Variants in VWDE observed in about 807,000 individuals in gnomAD.
The protein encoded by VWDE is von Willebrand factor D and EGF domain-containing protein.
A neutral mutation model predicts 178.4 loss-of-function variants in VWDE; 207 were observed. That is an observed-to-expected ratio of 1.16 (90% CI 1.04 to 1.30). VWDE has a LOEUF of 1.30. VWDE is among the 50% of genes most tolerant of loss of function. The pLI is 0.00. For synonymous variants in VWDE, 738 were observed against 651.4 expected, an observed-to-expected ratio of 1.13 and a Z score of -2.02; for missense variants, 2,287 against 1,901.3, an observed-to-expected ratio of 1.20 and a Z score of -3.77.
chr7:12,398,621 T>A (rs1784735593), intron 1 of VWDE, among the ~76,000 whole-genome samples: 2 of 152,180 alleles, frequency 1.3e-5, no homozygotes, highest in African/African-American at 4.8e-5. Context: ...CTAGCAATAC[T>A]CATTGTTTCA....
rs541154112 is a variant in VWDE at position 12,374,863 on chromosome 7, G to A, written c.1243-101C>T. On this transcript the variant is annotated intron_variant, in intron 8 of 28. Coordinates refer to ENST00000275358, the MANE Select transcript of VWDE (RefSeq NM_001135924.3). Reference sequence around the variant, plus strand: ...CTCAACAAACTTTCAATTAATTATTGTTTTTATCATAGTTATTGAAAATTG... The same window carrying A: ...CTCAACAAACTTTCAATTAATTATTATTTTTATCATAGTTATTGAAAATTG... 2.6e-6 allele frequency: 3 copies of A among 1,142,604 alleles called. No homozygotes were observed. In the East Asian group the frequency reaches 7.8e-5, roughly 30 times the overall value. 70.8% of individuals were successfully genotyped at this position (1,142,604 alleles called of 1,614,324 possible). A position where few individuals can be genotyped will look rare whatever the true frequency, so the allele number is the denominator to read the frequency against.
chr7:12,359,773 T>G (rs1360027558), intron 15 of VWDE, 81 bp from the exon 16 acceptor site: 2 of 790,722 alleles, frequency 2.5e-6, no homozygotes, highest in African/African-American at 3.5e-5. Flanking sequence ...TGGCAGTGTA[T>G]GTATTGATGA....
intron 28 of VWDE, 58 bp downstream of exon 28, chr7:12,333,407 G>T (rs182305049): frequency 1.9e-6 from 2 of 1,041,428 alleles, no homozygotes; most frequent in Non-Finnish European, 2.8e-6. Flanking sequence ...TTACTAAGTA[G>T]AAGAGATATG....
At chr7:12,384,945 G>T (rs1583340074) in intron 3 of VWDE, among the ~76,000 whole-genome samples, 1 of 151,992 alleles carries the variant, frequency 6.6e-6, no homozygotes, top group Non-Finnish European at 1.5e-5. Context: ...AACTTTAATT[G>T]ATATGATGCT....
At chr7:12,340,288 T>G in intron 24 of VWDE, 34 bp downstream of exon 24, 2 of 1,479,742 alleles carry the variant, frequency 1.4e-6, no homozygotes, top group Non-Finnish European at 1.8e-6. Flanking sequence ...AACTTTCCAT[T>G]TGCCCTTTTT....
In VWDE at chr7:12,396,887, G is replaced by T. The variant is rs184365298; in HGVS notation, c.59-3109C>A. On this transcript the variant is annotated intron_variant, in intron 1 of 28. Transcript: ENST00000275358. ...GAGATGGAAGTTGCAGTTGGCCAAG[G>T]TCATGCCATTACACTCCAGCCTGGG... is the stretch of plus-strand genomic sequence containing the variant. Among the ~76,000 whole-genome samples, 12 of 152,150 alleles carry T rather than the reference G, an allele frequency of 7.9e-5. No individual in the cohort carries two copies. In the East Asian group the frequency reaches 2.3e-3, roughly 29 times the overall value.
At chr7:12,395,008 TTTTTA>T (rs1394485499) in intron 1 of VWDE, among the ~76,000 whole-genome samples, 1 of 152,260 alleles carries the variant, frequency 6.6e-6, no homozygotes, top group South Asian at 2.1e-4. Context: ...ATATTTCTGC[TTTTTA>T]TTTTGTTTGT....
chr7:12,362,536 G>A lies in VWDE; in HGVS notation c.2899-1015C>T, dbSNP rs76427406. Among the ~76,000 whole-genome samples the A allele has an allele frequency of 1.7e-3, 252 of 152,078 alleles. 2 individuals are homozygous for A. The highest frequency in any genetic ancestry group is 5.8e-3 in the African/African-American group (241 of 41,500). On this transcript the variant is annotated intron_variant, in intron 13 of 28. Coordinates refer to ENST00000275358, the MANE Select transcript of VWDE (RefSeq NM_001135924.3). Reference sequence around the variant, plus strand: ...AAGAGAAGCCAGCATAATGTTCCAGGTACGGATAACTACGTAGGAAACCAA... The same window carrying A: ...AAGAGAAGCCAGCATAATGTTCCAGATACGGATAACTACGTAGGAAACCAA...
intron 3 of VWDE, among the ~76,000 whole-genome samples, chr7:12,387,570 C>T (rs1036931689): frequency 3.3e-5 from 5 of 150,494 alleles, no homozygotes; most frequent in African/African-American, 1.2e-4. Flanking sequence ...TATGTGTATA[C>T]ACACACACAC....
At chr7:12,397,820 C>A (rs1371445368) in intron 1 of VWDE, among the ~76,000 whole-genome samples, 5 of 152,112 alleles carry the variant, frequency 3.3e-5, no homozygotes, top group Non-Finnish European at 7.4e-5. Flanking sequence ...TGCTCAACAT[C>A]ACTAATCATC....
intron 7 of VWDE, among the ~76,000 whole-genome samples, chr7:12,377,151 C>T (rs1471965024): frequency 6.6e-6 from 1 of 152,100 alleles, no homozygotes; most frequent in Non-Finnish European, 1.5e-5. Flanking sequence ...CCAATCACTG[C>T]TATGCATGGT....
intron 1 of VWDE, among the ~76,000 whole-genome samples, chr7:12,395,123 CTCTT>C (rs1165435595): frequency 1.6e-4 from 24 of 152,120 alleles, no homozygotes; most frequent in African/African-American, 5.8e-4. Flanking sequence ...CAAAAGGCTC[CTCTT>C]TCTTTTGTCT....
In VWDE at chr7:12,344,278, G is replaced by C. The variant is rs1562466546; in HGVS notation, c.3995C>G (p.Pro1332Arg). 1.9e-6 allele frequency: 3 copies of C among 1,550,924 alleles called. No individual in the cohort carries two copies. The highest frequency in any genetic ancestry group is 1.4e-5 in the African/African-American group (1 of 72,984). Residue 1332 changes from proline to arginine, a missense_variant, in exon 21 of 29, where the codon CCT (proline) becomes CGT (arginine). Pro to Arg is a moderately radical substitution (Grantham distance 103). Transcript: ENST00000275358. The part of the protein sequence containing the change: ...GSNCQTALCD[P>R]DCKNHGKCIK... ...ACATTTTCCATGGTTTTTGCAATCAGGGTCACAAAGAGCTGTATAAAATAA... is the reference window on the plus strand; with the variant it reads ...ACATTTTCCATGGTTTTTGCAATCACGGTCACAAAGAGCTGTATAAAATAA...
At chr7:12,386,936 G>A (rs780972848) in intron 3 of VWDE, among the ~76,000 whole-genome samples, 7 of 152,124 alleles carry the variant, frequency 4.6e-5, no homozygotes, top group Non-Finnish European at 1.0e-4. Context: ...GAAATGATTA[G>A]TGCGTTATTA....
chr7:12,349,965 G>A lies in VWDE; in HGVS notation c.3886+1608C>T, dbSNP rs543212967. ...TAAAAATGATGAAATTGACTCAAGA[G>A]GAGGCACAAACATTGATGGAAATAG... On this transcript the variant is annotated intron_variant, in intron 19 of 28. Transcript: ENST00000275358. Among the ~76,000 whole-genome samples, 29 of 152,010 alleles carry A rather than the reference G, an allele frequency of 1.9e-4. No individual in the cohort carries two copies. The South Asian group carries it at 6.0e-3, about 32-fold the overall frequency.
chr7:12,394,773 A>T (rs1269881113), intron 1 of VWDE, among the ~76,000 whole-genome samples: 2 of 152,196 alleles, frequency 1.3e-5, no homozygotes, highest in African/African-American at 4.8e-5. Flanking sequence ...TGAAATAGAA[A>T]GGTGAAAGAA....
In VWDE at chr7:12,337,285, A is replaced by T. The variant is rs1781096371; in HGVS notation, c.4367-13T>A. 2.6e-6 allele frequency: 4 copies of T among 1,547,284 alleles called. No individual in the cohort carries two copies. The African/African-American group carries it at 5.5e-5, about 21-fold the overall frequency. On this transcript the variant is annotated splice_polypyrimidine_tract_variant and intron_variant, in intron 24 of 28. Coordinates refer to ENST00000275358, the MANE Select transcript of VWDE (RefSeq NM_001135924.3). ...GGGTGACAGAAAGCTAAAAGAACAC[A>T]TGGCAGCAATCTGTGAATATTACAC...
In VWDE at chr7:12,351,609, T is replaced by G; in HGVS notation, c.3850A>C (p.Lys1284Gln). ...CCACTTGTTGGCTTAACATGCCTCT[T>G]TCTCCCTTGGGCATTTTTATCATCC... ...EEDDKNAQGR[K>Q]RHVKPTSGNA... is the part of the protein sequence containing the mutation. The change falls in exon 19 of 29, where the codon AAG becomes CAG. Residue 1284 changes from lysine (K) to glutamine (Q), a missense_variant. Transcript: ENST00000275358. 1 of 1,550,104 alleles carries G rather than the reference T, an allele frequency of 6.5e-7. No homozygotes were observed. Among genetic ancestry groups the G allele is most frequent in the Non-Finnish European group, 8.7e-7 (1 of 1,146,292 alleles).
chr7:12,333,495 G>A lies in VWDE; in HGVS notation c.4728C>T (p.Tyr1576=). Residue 1576 remains tyrosine (Y), a synonymous_variant, in exon 28 of 29, where the codon TAC becomes TAT. Transcript: ENST00000275358. ...FPNVCSCRTE[Y]SGVKCEKKIQ... Reference sequence around the variant, plus strand: ...TTTTCTTCTCACATTTGACTCCAGAGTATTCAGTGCGGCAGGAACACACAT... The same window carrying A: ...TTTTCTTCTCACATTTGACTCCAGAATATTCAGTGCGGCAGGAACACACAT... The A allele has an allele frequency of 6.5e-7, 1 of 1,550,196 alleles. No individual in the cohort carries two copies. The highest frequency in any genetic ancestry group is 8.7e-7 in the Non-Finnish European group (1 of 1,145,998).
Sources: gnomAD v4.1 joint callset for allele counts (sites outside exome capture counted in the v4.1 genomes callset) on GRCh38, gnomAD v4.1.1 for gene constraint, MANE v1.5 for transcripts, NCBI Gene and HGNC (gene_info 2026-07-23, HGNC 2026-07-21) for gene names.